DEPDC5: variants seen among roughly 807,000 people sequenced by gnomAD.
DEPDC5 encodes the protein GATOR1 complex protein DEPDC5.
Under a neutral mutation model 217.3 loss-of-function variants are expected in DEPDC5, and 73 were observed. The ratio of observed to expected loss-of-function variants is 0.34; its 90% CI spans 0.28 to 0.41. The LOEUF is 0.41. Ranked by LOEUF, DEPDC5 falls within the 10% of genes least tolerant of loss-of-function variation. DEPDC5 has a pLI of 1.00. For synonymous variants in DEPDC5, 733 were observed against 756.7 expected, an observed-to-expected ratio of 0.97 and a Z score of 0.51; for missense variants, 1,675 against 2,070.1, an observed-to-expected ratio of 0.81 and a Z score of 3.70.
chr22:31,793,028 C>T lies in DEPDC5; in HGVS notation c.767+211C>T, dbSNP rs1253742306. ...GAGGTTGCAGTGAGCTGAGATCACA[C>T]CACTGCACACCAACCTGGGAGAGAG... On this transcript the variant is annotated intron_variant, in intron 12 of 42. Coordinates refer to ENST00000651528, the MANE Select transcript of DEPDC5 (RefSeq NM_001242896.3). Among the ~76,000 whole-genome samples the T allele has an allele frequency of 1.3e-5, 2 of 151,738 alleles. 1 individual carries two copies. The highest frequency in any genetic ancestry group is 4.8e-5 in the African/African-American group (2 of 41,270).
At chr22:31,887,418 TC>T (rs2093342606) in intron 38 of DEPDC5, among the ~76,000 whole-genome samples, 1 of 45,648 alleles carries the variant, frequency 2.2e-5, no homozygotes, top group South Asian at 7.3e-4. Context: ...AAACTCTGTC[TC>T]AAAAAAAAAA....
intron 15 of DEPDC5, 152 bp from the exon 16 acceptor site, chr22:31,804,010 T>G (rs2087182950): frequency 1.5e-6 from 1 of 664,258 alleles, no homozygotes; most frequent in Non-Finnish European, 2.6e-6. Context: ...TGTATTTACT[T>G]CTTTGTTGGA....
chr22:31,811,308 G>A (rs2088295413), intron 20 of DEPDC5, among the ~76,000 whole-genome samples: 1 of 152,142 alleles, frequency 6.6e-6, no homozygotes, highest in South Asian at 2.1e-4. Context: ...GGCCCCAAGT[G>A]ATCCTCCTGC....
intron 33 of DEPDC5, among the ~76,000 whole-genome samples, chr22:31,864,496 A>G (rs2092618004): frequency 7.5e-6 from 1 of 133,556 alleles, no homozygotes. Context: ...CTGTTTCTTC[A>G]TTAAAATATA....
At chr22:31,834,008 G>A (rs2090798854) in intron 25 of DEPDC5, 28 bp downstream of exon 25, 6 of 1,607,246 alleles carry the variant, frequency 3.7e-6, no homozygotes, top group East Asian at 2.2e-5. Context: ...ACTGGGGAAA[G>A]GGGTAGACAG....
chr22:31,765,138 G>T, intron 5 of DEPDC5, 78 bp downstream of exon 5: 2 of 1,150,986 alleles, frequency 1.7e-6, no homozygotes, highest in Non-Finnish European at 2.6e-6. Context: ...AGGAAACAAT[G>T]GGTTACTTAA....
At chr22:31,868,320 C>G (rs1318834028) in intron 33 of DEPDC5, among the ~76,000 whole-genome samples, 3 of 152,156 alleles carry the variant, frequency 2.0e-5, no homozygotes, top group Non-Finnish European at 4.4e-5. Context: ...GCCAGGGATG[C>G]TTCTGAACAT....
chr22:31,905,000 C>T (rs1271325319), intron 41 of DEPDC5, among the ~76,000 whole-genome samples: 1 of 152,114 alleles, frequency 6.6e-6, no homozygotes, highest in Non-Finnish European at 1.5e-5. Context: ...ATAAACCCCT[C>T]AGACTTAGAG....
intron 26 of DEPDC5, among the ~76,000 whole-genome samples, chr22:31,837,585 C>G (rs572461992): frequency 6.6e-6 from 1 of 152,260 alleles, no homozygotes; most frequent in East Asian, 1.9e-4. Context: ...AACTCCTGGG[C>G]TCAAGTCATC....
intron 10 of DEPDC5, among the ~76,000 whole-genome samples, chr22:31,786,443 AAAG>A (rs907206919): frequency 4.0e-5 from 6 of 151,036 alleles, no homozygotes; most frequent in Non-Finnish European, 8.9e-5. Flanking sequence ...AAAAAAAAAA[AAAG>A]GGAAAAAATT....
At chr22:31,851,002 AG>A (rs1270637934) in intron 31 of DEPDC5, among the ~76,000 whole-genome samples, 2 of 149,240 alleles carry the variant, frequency 1.3e-5, no homozygotes, top group African/African-American at 5.0e-5. Context: ...TGGGAGGCGG[AG>A]GTTGCAGTGA....
chr22:31,809,463 C>A (rs1479487665), intron 18 of DEPDC5, 148 bp from the exon 19 acceptor site: 1 of 737,424 alleles, frequency 1.4e-6, no homozygotes, highest in Non-Finnish European at 2.3e-6. Context: ...GAATAAAGGA[C>A]CGTGGTAGGT....
intron 7 of DEPDC5, among the ~76,000 whole-genome samples, chr22:31,770,537 C>T (rs1322749423): frequency 6.7e-6 from 1 of 149,222 alleles, no homozygotes; most frequent in Non-Finnish European, 1.5e-5. Flanking sequence ...CCCACCACCA[C>T]ACGTAGCTAA....
chr22:31,763,571 A>G (rs576974099), intron 4 of DEPDC5, among the ~76,000 whole-genome samples: 2 of 151,452 alleles, frequency 1.3e-5, no homozygotes, highest in Admixed American at 1.3e-4. Flanking sequence ...CCGCCTCCCG[A>G]GTAGCTAAGA....
In DEPDC5 at chr22:31,906,547, A is replaced by G; in HGVS notation, c.*50A>G. 1 of 1,585,386 alleles carries G rather than the reference A, an allele frequency of 6.3e-7. No homozygotes were observed. The highest frequency in any genetic ancestry group is 8.6e-7 in the Non-Finnish European group (1 of 1,161,176). On this transcript the variant is annotated 3_prime_UTR_variant, in exon 43 of 43. Coordinates refer to ENST00000651528, the MANE Select transcript of DEPDC5 (RefSeq NM_001242896.3). This position sits in a 1 kb window ranked among gnomAD's most constrained non-coding sequence, Gnocchi z 5.1. ...GAAGGTGGGTGAGCCACTGCCCTCA[A>G]ACCCGGGGCGGAGGATTCCAGGCAG...
chr22:31,884,735 A>T lies in DEPDC5; in HGVS notation c.4033+4983A>T, dbSNP rs1045991134. On this transcript the variant is annotated intron_variant, in intron 38 of 42. Coordinates refer to ENST00000651528, the MANE Select transcript of DEPDC5 (RefSeq NM_001242896.3). ...ATCTCCATCCTAGACCATGTCTCCA[A>T]TTTGAGACTCATCCCTCCAGCTACC... 5.5e-4 allele frequency among the ~76,000 whole-genome samples: 84 copies of T among 152,024 alleles called. 1 individual carries two copies. Among genetic ancestry groups the T allele is most frequent in the Admixed American group, 5.4e-3 (83 of 15,262 alleles).
intron 25 of DEPDC5, 167 bp from the exon 26 acceptor site, chr22:31,836,805 C>T (rs571181819): frequency 2.0e-5 from 12 of 615,316 alleles, no homozygotes; most frequent in Middle Eastern, 4.4e-4. Flanking sequence ...CTCTGTTTCT[C>T]TCTCTTTCTC....
At chr22:31,783,432 G>A (rs1385715338) in intron 8 of DEPDC5, among the ~76,000 whole-genome samples, 1 of 152,176 alleles carries the variant, frequency 6.6e-6, no homozygotes, top group Admixed American at 6.6e-5. Context: ...CGGACACGGT[G>A]TGAGGATTGC....
rs775721257 is a variant in DEPDC5, at chr22:31,859,721, T to TA, written c.3265-1640dup. Among the ~76,000 whole-genome samples the TA allele has an allele frequency of 1.1e-3, 169 of 152,256 alleles. 2 individuals are homozygous for TA. The highest frequency in any genetic ancestry group is 2.1e-3 in the Non-Finnish European group (140 of 68,012). On this transcript the variant is annotated intron_variant, in intron 32 of 42. Transcript: ENST00000651528. ...AAAACCATTCTTAGCTCACTGGCTG[T>TA]AAAAAAATCAGAGGGCTGGCCAGAT... is the stretch of plus-strand genomic sequence containing the variant.
Sources: gnomAD v4.1 joint callset for allele counts (sites outside exome capture counted in the v4.1 genomes callset) on GRCh38, gnomAD v4.1.1 for gene constraint, Gnocchi (gnomAD v3.1) non-coding constraint, MANE v1.5 for transcripts, NCBI Gene and HGNC (gene_info 2026-07-23, HGNC 2026-07-21) for gene names.